Variants in ATP8A1 observed in about 807,000 individuals in gnomAD.
The protein encoded by ATP8A1 is phospholipid-transporting ATPase IA.
ATP8A1 carries 90 observed loss-of-function variants against 177.7 expected under a neutral mutation model. The ratio of observed to expected loss-of-function variants is 0.51; its 90% CI spans 0.43 to 0.60. ATP8A1 has a LOEUF of 0.60. Ranked by LOEUF, ATP8A1 falls within the 20% of genes least tolerant of loss-of-function variation. The pLI, the probability that ATP8A1 is intolerant of heterozygous loss-of-function variation, is 0.00. For missense variants in ATP8A1, 1,072 were observed against 1,392.8 expected (o/e 0.77, Z 3.67); for synonymous variants, 493 against 485.9 (o/e 1.01, Z -0.19).
intron 27 of ATP8A1, among the ~76,000 whole-genome samples, chr4:42,460,463 C>T (rs925412538): frequency 1.4e-5 from 2 of 145,890 alleles, no homozygotes; most frequent in Middle Eastern, 7.2e-3. Context: ...TCTTGGCTCA[C>T]TGCAACCTCT....
chr4:42,600,426 G>T, intron 6 of ATP8A1, 52 bp downstream of exon 6: 3 of 1,497,680 alleles, frequency 2.0e-6, no homozygotes, highest in Non-Finnish European at 2.7e-6. Flanking sequence ...ATATACTAGA[G>T]TACACCGCTA....
chr4:42,607,082 G>A (rs904437587), intron 5 of ATP8A1, among the ~76,000 whole-genome samples: 7 of 152,220 alleles, frequency 4.6e-5, no homozygotes, highest in South Asian at 2.1e-4. Flanking sequence ...ATAGAGTAAC[G>A]CTTCTTTGAA....
intron 13 of ATP8A1, 24 bp from the exon 14 acceptor site, chr4:42,574,731 T>C: frequency 6.5e-7 from 1 of 1,539,782 alleles, no homozygotes; most frequent in South Asian, 1.2e-5. Context: ...AAATTTCTCA[T>C]TAATATTTTG....
intron 27 of ATP8A1, 21 bp from the exon 28 acceptor site, chr4:42,455,620 C>T: frequency 2.5e-6 from 4 of 1,606,446 alleles, no homozygotes; most frequent in Non-Finnish European, 3.4e-6. Context: ...AAACCCAAAA[C>T]CCCCAAATTA....
chr4:42,525,540 T>C (rs975276705), intron 20 of ATP8A1, among the ~76,000 whole-genome samples: 2 of 152,220 alleles, frequency 1.3e-5, no homozygotes, highest in African/African-American at 4.8e-5. Flanking sequence ...GTTTACTTAA[T>C]CTGTAAAATT....
chr4:42,547,030 C>T (rs1436229322), intron 19 of ATP8A1, among the ~76,000 whole-genome samples: 12 of 152,214 alleles, frequency 7.9e-5, no homozygotes. Flanking sequence ...CACTTACCAA[C>T]CACTGACTGC....
intron 20 of ATP8A1, among the ~76,000 whole-genome samples, chr4:42,539,405 C>CCA (rs34474476): frequency 2.1e-5 from 3 of 142,474 alleles, no homozygotes; most frequent in South Asian, 2.3e-4. Context: ...ACCCCCCCCC[C>CCA]AACAAAAACA....
At chr4:42,549,531 G>A (rs1729279880) in intron 18 of ATP8A1, among the ~76,000 whole-genome samples, 1 of 152,156 alleles carries the variant, frequency 6.6e-6, no homozygotes, top group Non-Finnish European at 1.5e-5. Context: ...GGCCATGCCT[G>A]TAATCCCAGT....
rs149395508 is a variant in ATP8A1 at position 42,592,467 on chromosome 4, C to T, written c.451-1583G>A. Among the ~76,000 whole-genome samples, 430 of 152,230 alleles carry T rather than the reference C, an allele frequency of 2.8e-3. 3 individuals are homozygous for T. The highest frequency in any genetic ancestry group is 1.0e-2 in the African/African-American group (415 of 41,560). ...AGGGCAGTATAGTCGATTATCTTCA[C>T]ATTTTTGAGCATCAAAAATAAAAAT... On this transcript the variant is annotated intron_variant, in intron 6 of 36. Transcript: ENST00000381668.
At chr4:42,582,787 T>C (rs989933235) in intron 9 of ATP8A1, among the ~76,000 whole-genome samples, 2 of 152,128 alleles carry the variant, frequency 1.3e-5, no homozygotes, top group Non-Finnish European at 2.9e-5. Context: ...AAGGTCCCAG[T>C]TGGTATTTTT....
chr4:42,458,658 A>C (rs1471229589), intron 27 of ATP8A1, among the ~76,000 whole-genome samples: 1 of 152,220 alleles, frequency 6.6e-6, no homozygotes, highest in Admixed American at 6.5e-5. Context: ...GACTTTCCTA[A>C]GCAATATAGC....
At chr4:42,503,361 A>T (rs1347796994) in intron 24 of ATP8A1, 89 bp downstream of exon 24, 2 of 779,814 alleles carry the variant, frequency 2.6e-6, no homozygotes, top group East Asian at 5.6e-5. Context: ...CCACAGAAAG[A>T]TAAAATATTT....
At chr4:42,513,158 T>A (rs1429066968) in intron 22 of ATP8A1, among the ~76,000 whole-genome samples, 1 of 152,132 alleles carries the variant, frequency 6.6e-6, no homozygotes, top group East Asian at 1.9e-4. Context: ...ACCGTAGACA[T>A]CCCCATGTCC....
intron 19 of ATP8A1, among the ~76,000 whole-genome samples, chr4:42,548,360 C>T (rs372652144): frequency 4.6e-5 from 7 of 152,124 alleles, no homozygotes; most frequent in African/African-American, 1.7e-4. Flanking sequence ...GCCGTATACG[C>T]TGGGCTTGTG....
chr4:42,425,567 G>T (rs1714507107), intron 33 of ATP8A1, among the ~76,000 whole-genome samples: 1 of 152,052 alleles, frequency 6.6e-6, no homozygotes, highest in African/African-American at 2.4e-5. Flanking sequence ...ATGAAGAGGG[G>T]GGGAAAAATA....
intron 24 of ATP8A1, among the ~76,000 whole-genome samples, chr4:42,489,560 A>C (rs187092575): frequency 2.6e-5 from 4 of 152,342 alleles, no homozygotes; most frequent in Admixed American, 2.0e-4. Context: ...GCAAGGTAAC[A>C]ACAACAAAAA....
chr4:42,598,999 A>G (rs1394585795), intron 6 of ATP8A1, among the ~76,000 whole-genome samples: 1 of 152,162 alleles, frequency 6.6e-6, no homozygotes, highest in East Asian at 1.9e-4. Context: ...ATGACTGAAA[A>G]TGCTATTATT....
intron 20 of ATP8A1, among the ~76,000 whole-genome samples, chr4:42,536,160 A>G (rs541222452): frequency 6.6e-6 from 1 of 152,340 alleles, no homozygotes. Flanking sequence ...AAATTAAACA[A>G]AAAGCTGGTT....
chr4:42,616,897 T>C (rs1241321686), intron 4 of ATP8A1, among the ~76,000 whole-genome samples: 2 of 152,208 alleles, frequency 1.3e-5, no homozygotes, highest in South Asian at 2.1e-4. Flanking sequence ...AGGTTTTCCA[T>C]GGCTTCCATC....
Sources: allele counts gnomAD v4.1 joint callset (sites outside exome capture counted in the v4.1 genomes callset), GRCh38; gene constraint gnomAD v4.1.1; transcripts MANE v1.5; gene names NCBI Gene and HGNC (gene_info 2026-07-23, HGNC 2026-07-21).